Variants in MYLK observed in about 807,000 individuals in gnomAD.
MYLK encodes myosin light chain kinase, smooth muscle.
In MYLK, 106 loss-of-function variants were observed where a neutral mutation model predicts 203.4. That is an observed-to-expected ratio of 0.52 (90% CI 0.45 to 0.61). The LOEUF (loss-of-function observed/expected upper bound fraction) is 0.61. Ranked by LOEUF, MYLK falls within the 20% of genes least tolerant of loss-of-function variation. The pLI, the probability that MYLK is intolerant of heterozygous loss-of-function variation, is 0.00. For synonymous variants in MYLK, 867 were observed against 959.5 expected, an observed-to-expected ratio of 0.90 and a Z score of 1.78; for missense variants, 2,072 against 2,442.3, an observed-to-expected ratio of 0.85 and a Z score of 3.20.
At chr3:123,716,446 G>A (rs2061897324) in intron 13 of MYLK, 1 of 152,132 alleles carries the variant, frequency 6.6e-6, no homozygotes, top group East Asian at 1.9e-4. Flanking sequence ...AACTTAAGAA[G>A]CAAATGGGAA....
chr3:123,856,511 C>T (rs2031388932), intron 2 of MYLK, among the ~76,000 whole-genome samples: 1 of 152,186 alleles, frequency 6.6e-6, no homozygotes, highest in Non-Finnish European at 1.5e-5. Flanking sequence ...TATTGAGTAC[C>T]TCTTAATAAT....
rs1394847677 is a variant in MYLK, at chr3:123,738,890, A to G, written c.588+7T>C. 1 of 1,606,856 alleles carries G rather than the reference A, an allele frequency of 6.2e-7. No individual in the cohort carries two copies. Among genetic ancestry groups the G allele is most frequent in the African/African-American group, 1.3e-5 (1 of 74,950 alleles). ...TGGATCAGGGTCAGGGCAGACAGAA[A>G]CCTCACCTTGAGCCAGGTGACCTGC... On this transcript the variant is annotated splice_region_variant and intron_variant, in intron 7 of 33. Coordinates refer to ENST00000360304, the MANE Select transcript of MYLK (RefSeq NM_053025.4).
intron 32 of MYLK, among the ~76,000 whole-genome samples, chr3:123,619,923 T>G (rs2107884039): frequency 6.6e-6 from 1 of 152,330 alleles, no homozygotes; most frequent in Non-Finnish European, 1.5e-5. Flanking sequence ...CAATCTTTGT[T>G]AATTTTAACA....
chr3:123,864,113 T>C (rs1029485391), intron 2 of MYLK, among the ~76,000 whole-genome samples: 7 of 152,196 alleles, frequency 4.6e-5, no homozygotes, highest in Non-Finnish European at 1.0e-4. Context: ...TACCATACAA[T>C]TTCATTTATG....
intron 2 of MYLK, among the ~76,000 whole-genome samples, chr3:123,853,387 G>C (rs188463060): frequency 6.6e-6 from 1 of 152,230 alleles, no homozygotes; most frequent in East Asian, 1.9e-4. Context: ...CAAGATACTA[G>C]AGAATGGAGT....
At chr3:123,667,046 T>TCA (rs1297086915) in intron 21 of MYLK, 91 bp downstream of exon 21, 5 of 1,184,728 alleles carry the variant, frequency 4.2e-6, no homozygotes, top group Non-Finnish European at 5.1e-6. Context: ...TCTCCTGGGA[T>TCA]CACATACCCA....
chr3:123,828,645 A>C (rs2066219468), intron 3 of MYLK, among the ~76,000 whole-genome samples: 1 of 152,218 alleles, frequency 6.6e-6, no homozygotes, highest in African/African-American at 2.4e-5. Context: ...TAGCAAGGGA[A>C]GCAAATAAAA....
chr3:123,663,125 A>G (rs951891457), intron 23 of MYLK, among the ~76,000 whole-genome samples: 1 of 152,136 alleles, frequency 6.6e-6, no homozygotes, highest in Non-Finnish European at 1.5e-5. Flanking sequence ...TGCTGTCCCA[A>G]GCACCTGCCA....
Position 123,738,880 on chromosome 3 carries a change from GCAGA to G in MYLK, c.588+13_588+16del, listed in dbSNP as rs570821069. 2,114 of 1,603,242 alleles carry G rather than the reference GCAGA, an allele frequency of 1.3e-3. 3 individuals carry two copies. Among genetic ancestry groups the G allele is most frequent in the Non-Finnish European group, 1.7e-3 (1,973 of 1,174,208 alleles). On this transcript the variant is annotated intron_variant, in intron 7 of 33. Coordinates refer to ENST00000360304, the MANE Select transcript of MYLK (RefSeq NM_053025.4). ...TAATACAGGCTGGATCAGGGTCAGG[GCAGA>G]CAGAAACCTCACCTTGAGCCAGGTG...
At chr3:123,672,760 C>T (rs2059955366) in intron 20 of MYLK, among the ~76,000 whole-genome samples, 1 of 152,216 alleles carries the variant, frequency 6.6e-6, no homozygotes, top group Non-Finnish European at 1.5e-5. Context: ...GGCTTGGTTC[C>T]TATCAGTAAA....
chr3:123,720,550 A>C (rs947912625), intron 13 of MYLK, among the ~76,000 whole-genome samples: 6 of 152,204 alleles, frequency 3.9e-5, no homozygotes, highest in African/African-American at 7.2e-5. Flanking sequence ...TGGACCTCAG[A>C]GACAAGGTTC....
chr3:123,657,232 C>CA lies in MYLK; in HGVS notation c.4181dup (p.Leu1395AlafsTer3). The stretch of plus-strand genomic sequence containing the variant: ...GGAACTTATATTCGTGGTCAGGCAG[C>CA]AGGTCCTGGACGTTGAAAGAGGTGC... On this transcript the variant is annotated frameshift_variant, in exon 24 of 34. Transcript: ENST00000360304. LOFTEE classifies it high-confidence loss of function. The CA allele has an allele frequency of 6.2e-7, 1 of 1,614,200 alleles. No homozygotes were observed. Among genetic ancestry groups the CA allele is most frequent in the Non-Finnish European group, 8.5e-7 (1 of 1,180,040 alleles).
In MYLK at chr3:123,610,551, G is replaced by A. The variant is rs2057225665; in HGVS notation, c.*3554C>T. 6.6e-6 allele frequency: 1 copy of A among 152,184 alleles called. No homozygotes were observed. The highest frequency in any genetic ancestry group is 1.5e-5 in the Non-Finnish European group (1 of 68,072). The allele number at this position is 152,184 out of a possible 1,614,324, so 9.4% of individuals were successfully genotyped here. Reference sequence around the variant, plus strand: ...ACATCACTTCTGGTCACAGCTCACTGACTAGGACTAGTCACATGGCCCCAT... The same window carrying A: ...ACATCACTTCTGGTCACAGCTCACTAACTAGGACTAGTCACATGGCCCCAT... On this transcript the variant is annotated 3_prime_UTR_variant, in exon 34 of 34. Transcript: ENST00000360304.
chr3:123,651,679 G>C (rs924120748), intron 24 of MYLK, among the ~76,000 whole-genome samples: 1 of 152,216 alleles, frequency 6.6e-6, no homozygotes, highest in African/African-American at 2.4e-5. Context: ...CCGGCAGCAG[G>C]AGGCTTTCCC....
At chr3:123,857,422 A>T (rs1279885710) in intron 2 of MYLK, among the ~76,000 whole-genome samples, 1 of 152,008 alleles carries the variant, frequency 6.6e-6, no homozygotes, top group Admixed American at 6.6e-5. Flanking sequence ...GATAGACTGG[A>T]TTAAGAAAAT....
rs77577787 is a variant in MYLK at position 123,763,564 on chromosome 3, C to A, written c.166-11026G>T. On this transcript the variant is annotated intron_variant, in intron 4 of 33. Transcript: ENST00000360304. ...CTGGAGATGGAATTTTAAGTGGAAACCTTTTTTTTTCTTCAGAACTCTGAA... is the reference window on the plus strand; with the variant it reads ...CTGGAGATGGAATTTTAAGTGGAAAACTTTTTTTTTCTTCAGAACTCTGAA... 1.1e-3 allele frequency among the ~76,000 whole-genome samples: 175 copies of A among 152,286 alleles called. No homozygotes were observed. In the South Asian group the frequency reaches 0.012, roughly 10 times the overall value.
intron 4 of MYLK, among the ~76,000 whole-genome samples, chr3:123,771,948 A>G (rs146346546): frequency 5.8e-4 from 88 of 152,244 alleles, no homozygotes; most frequent in Non-Finnish European, 9.3e-4. Flanking sequence ...TGAAAATGTA[A>G]AGCTGAACTA....
At chr3:123,832,646 A>C (rs905059008) in intron 2 of MYLK, among the ~76,000 whole-genome samples, 1 of 152,186 alleles carries the variant, frequency 6.6e-6, no homozygotes, top group Non-Finnish European at 1.5e-5. Context: ...CAGCAACCTT[A>C]TAAAGGGGCT....
chr3:123,869,742 C>T (rs1318166101), intron 2 of MYLK, among the ~76,000 whole-genome samples: 1 of 152,168 alleles, frequency 6.6e-6, no homozygotes. Context: ...GTTACATCTC[C>T]ATTTTATAAG....
Sources: gnomAD v4.1 joint callset for allele counts (sites outside exome capture counted in the v4.1 genomes callset) on GRCh38, gnomAD v4.1.1 for gene constraint, MANE v1.5 for transcripts, NCBI Gene and HGNC (gene_info 2026-07-23, HGNC 2026-07-21) for gene names.